EPHB2: variants seen among roughly 807,000 people sequenced by gnomAD.
EPHB2 encodes the protein EPH receptor B2, also known as ephrin type-B receptor 2.
Under a neutral mutation model 96.4 loss-of-function variants are expected in EPHB2, and 18 were observed. The observed-to-expected ratio is 0.19, with a 90% confidence interval of 0.13 to 0.28. EPHB2 has a LOEUF of 0.28. Ranked by LOEUF, EPHB2 falls within the 10% of genes least tolerant of loss-of-function variation. EPHB2 has a pLI of 1.00. For missense variants in EPHB2, 989 were observed against 1,355.4 expected, an observed-to-expected ratio of 0.73 and a Z score of 4.25; for synonymous variants, 506 against 534.1, an observed-to-expected ratio of 0.95 and a Z score of 0.72.
At chr1:22,755,964 G>A (rs537031856) in intron 1 of EPHB2, among the ~76,000 whole-genome samples, 1 of 152,278 alleles carries the variant, frequency 6.6e-6, no homozygotes, top group East Asian at 1.9e-4. Context: ...GTCTGAGACT[G>A]TCATTGACGA....
intron 3 of EPHB2, among the ~76,000 whole-genome samples, chr1:22,805,136 C>A (rs1644905774): frequency 6.6e-6 from 1 of 151,790 alleles, no homozygotes. Context: ...TGGCATCCTG[C>A]AGGTACGGGA....
chr1:22,746,542 AG>A (rs2148372944), intron 1 of EPHB2, among the ~76,000 whole-genome samples: 1 of 152,352 alleles, frequency 6.6e-6, no homozygotes, highest in East Asian at 1.9e-4. Flanking sequence ...TTGGAGCAAC[AG>A]GAAGTCACTG....
intron 1 of EPHB2, among the ~76,000 whole-genome samples, chr1:22,726,669 G>A (rs999263548): frequency 4.6e-5 from 7 of 152,050 alleles, no homozygotes; most frequent in African/African-American, 1.2e-4. Context: ...TGATCTGCCC[G>A]CCTCAGCCTC....
At chr1:22,891,268 G>T (rs372409215) in intron 6 of EPHB2, 1 of 446,846 alleles carries the variant, frequency 2.2e-6, no homozygotes, top group Non-Finnish European at 4.5e-6. Context: ...AACATTGCAC[G>T]CACTGAATCT....
intron 3 of EPHB2, among the ~76,000 whole-genome samples, chr1:22,801,961 G>A (rs1374039920): frequency 2.0e-5 from 3 of 152,214 alleles, no homozygotes; most frequent in East Asian, 1.9e-4. Context: ...CAGCCCCTCC[G>A]AGCACGCTCA....
intron 3 of EPHB2, among the ~76,000 whole-genome samples, chr1:22,819,364 C>G (rs926505885): frequency 6.6e-6 from 1 of 152,130 alleles, no homozygotes; most frequent in Non-Finnish European, 1.5e-5. Flanking sequence ...TGCCCCAAGA[C>G]TTCTTGTGAA....
chr1:22,749,256 A>C (rs969493163), intron 1 of EPHB2, among the ~76,000 whole-genome samples: 3 of 152,086 alleles, frequency 2.0e-5, no homozygotes, highest in African/African-American at 7.2e-5. Context: ...CCTGACCTCA[A>C]GCGATCTGCC....
At chr1:22,804,954 T>C (rs1471025118) in intron 3 of EPHB2, among the ~76,000 whole-genome samples, 1 of 152,018 alleles carries the variant, frequency 6.6e-6, no homozygotes, top group Non-Finnish European at 1.5e-5. Flanking sequence ...TGCCTGGACA[T>C]GCCAGGGACC....
intron 1 of EPHB2, among the ~76,000 whole-genome samples, chr1:22,742,053 C>T (rs1358727312): frequency 1.4e-5 from 2 of 141,098 alleles, no homozygotes; most frequent in African/African-American, 5.1e-5. Context: ...GAAAGAACAG[C>T]TTGCCCGAGG....
intron 1 of EPHB2, among the ~76,000 whole-genome samples, chr1:22,740,490 G>C (rs1464643996): frequency 1.3e-5 from 2 of 152,160 alleles, no homozygotes; most frequent in Non-Finnish European, 2.9e-5. Flanking sequence ...TGGCGGGCTT[G>C]GGATGGTACC....
chr1:22,806,954 C>G (rs1330087883), intron 3 of EPHB2, among the ~76,000 whole-genome samples: 1 of 152,112 alleles, frequency 6.6e-6, no homozygotes, highest in African/African-American at 2.4e-5. Flanking sequence ...ATCAGCACTC[C>G]GGCTGCAGCA....
chr1:22,768,023 G>A (rs1475166352), intron 1 of EPHB2, among the ~76,000 whole-genome samples: 1 of 152,210 alleles, frequency 6.6e-6, no homozygotes, highest in Non-Finnish European at 1.5e-5. Context: ...GAGTCACACT[G>A]AGCAGAGATG....
At chr1:22,756,677 A>C (rs1644156882) in intron 1 of EPHB2, among the ~76,000 whole-genome samples, 2 of 151,862 alleles carry the variant, frequency 1.3e-5, no homozygotes, top group African/African-American at 4.8e-5. Context: ...CCCCATTTCC[A>C]CCCCGAACTA....
At chr1:22,811,947 G>A (rs1430704342) in intron 3 of EPHB2, among the ~76,000 whole-genome samples, 2 of 152,360 alleles carry the variant, frequency 1.3e-5, no homozygotes, top group Non-Finnish European at 2.9e-5. Flanking sequence ...GCTGAGGTAG[G>A]TGGATCACTT....
intron 3 of EPHB2, among the ~76,000 whole-genome samples, chr1:22,839,726 T>C (rs558066321): frequency 6.9e-4 from 105 of 152,246 alleles, no homozygotes; most frequent in African/African-American, 2.1e-3. Flanking sequence ...ATCTATGAAC[T>C]GACATTAGAA....
intron 1 of EPHB2, among the ~76,000 whole-genome samples, chr1:22,754,873 G>A (rs1263293028): frequency 7.6e-6 from 1 of 131,740 alleles, no homozygotes; most frequent in Non-Finnish European, 1.7e-5. Context: ...GAGGCAAGGG[G>A]CAGGTGAGGT....
intron 9 of EPHB2, among the ~76,000 whole-genome samples, chr1:22,903,874 A>C (rs1456608796): frequency 6.6e-6 from 1 of 152,146 alleles, no homozygotes; most frequent in Non-Finnish European, 1.5e-5. Context: ...CCTCCCAGGC[A>C]CTCACAGTCT....
At chr1:22,750,677 A>T (rs1231809402) in intron 1 of EPHB2, among the ~76,000 whole-genome samples, 1 of 152,264 alleles carries the variant, frequency 6.6e-6, no homozygotes, top group Admixed American at 6.5e-5. Flanking sequence ...CTGGAATGCC[A>T]GGACATCATC....
At chr1:22,736,212 C>T (rs1233921903) in intron 1 of EPHB2, among the ~76,000 whole-genome samples, 1 of 152,140 alleles carries the variant, frequency 6.6e-6, no homozygotes, top group African/African-American at 2.4e-5. Context: ...CAGGAGGCTG[C>T]TCAGGAGACC....
Sources: allele counts gnomAD v4.1 joint callset (sites outside exome capture counted in the v4.1 genomes callset), GRCh38; gene constraint gnomAD v4.1.1; transcripts MANE v1.5; gene names NCBI Gene and HGNC (gene_info 2026-07-23, HGNC 2026-07-21).